The following STX3 variants were observed in gnomAD, a reference collection of about 807,000 sequenced individuals.
STX3 encodes the protein syntaxin 3.
In STX3, 19 loss-of-function variants were observed where a neutral mutation model predicts 40.2. That is an observed-to-expected ratio of 0.47 (90% CI 0.33 to 0.69). The LOEUF (loss-of-function observed/expected upper bound fraction) is 0.69, where lower values mean the gene tolerates loss of function less well. STX3 is among the 30% of genes least tolerant of loss of function. STX3 has a pLI of 0.02. For missense variants in STX3, 364 were observed against 366.7 expected (o/e 0.99, Z 0.06); for synonymous variants, 122 against 132.2 (o/e 0.92, Z 0.53).
chr11:59,779,538 G>A (rs1006719932), intron 2 of STX3, among the ~76,000 whole-genome samples: 3 of 152,174 alleles, frequency 2.0e-5, no homozygotes, highest in Non-Finnish European at 4.4e-5. Context: ...ATTTGTAGTG[G>A]TATAACAGAC....
In STX3 at chr11:59,800,937, G is replaced by T; in HGVS notation, c.*113G>T. Reference sequence around the variant, plus strand: ...CTGAATGGCCTTCCTGAGAGCGAGTGCGACCCGTTCCTTTGTTTCCTTGCA... The same window carrying T: ...CTGAATGGCCTTCCTGAGAGCGAGTTCGACCCGTTCCTTTGTTTCCTTGCA... On this transcript the variant is annotated 3_prime_UTR_variant, in exon 11 of 11. Transcript: ENST00000337979. The T allele has an allele frequency of 7.2e-6, 11 of 1,536,174 alleles. No individual in the cohort carries two copies. The highest frequency in any genetic ancestry group is 9.6e-6 in the Non-Finnish European group (11 of 1,146,852).
intron 10 of STX3, among the ~76,000 whole-genome samples, 199 bp downstream of exon 10, chr11:59,797,595 C>T (rs1479201321): frequency 6.6e-6 from 1 of 152,104 alleles, no homozygotes; most frequent in Non-Finnish European, 1.5e-5. Flanking sequence ...ATGAGCTCTC[C>T]GTTTGTTCTT....
In STX3 at chr11:59,755,419, C is replaced by T. The variant is rs1486899860; in HGVS notation, c.-187C>T. Reference sequence around the variant, plus strand: ...GCCGGTGGGGGCGGAGGGGGCTGCGCGGCGGAGGCTCCCGTGGCCTCGGAC... The same window carrying T: ...GCCGGTGGGGGCGGAGGGGGCTGCGTGGCGGAGGCTCCCGTGGCCTCGGAC... On this transcript the variant is annotated 5_prime_UTR_variant, in exon 1 of 11. Coordinates refer to ENST00000337979, the MANE Select transcript of STX3 (RefSeq NM_004177.5). 6 of 501,984 alleles carry T rather than the reference C, an allele frequency of 1.2e-5. No homozygotes were observed. Among genetic ancestry groups the T allele is most frequent in the South Asian group, 1.1e-4 (2 of 18,592 alleles). The allele number at this position is 501,984 out of a possible 1,614,324, so 31.1% of individuals were successfully genotyped here. A position where few individuals can be genotyped will look rare whatever the true frequency, so the allele number is the denominator to read the frequency against.
chr11:59,801,127 T>G lies in STX3; in HGVS notation c.*303T>G. 1 of 1,356,104 alleles carries G rather than the reference T, an allele frequency of 7.4e-7. No individual in the cohort carries two copies. The highest frequency in any genetic ancestry group is 9.5e-7 in the Non-Finnish European group (1 of 1,052,882). 84.0% of individuals were successfully genotyped at this position (1,356,104 alleles called of 1,614,324 possible). A position where few individuals can be genotyped will look rare whatever the true frequency, so the allele number is the denominator to read the frequency against. ...CCCAGCTTTCTTCCTCCCTGTTGTG[T>G]GTCAGATTATGCCTTGCACTTGGGA... On this transcript the variant is annotated 3_prime_UTR_variant, in exon 11 of 11. Coordinates refer to ENST00000337979, the MANE Select transcript of STX3 (RefSeq NM_004177.5).
intron 1 of STX3, among the ~76,000 whole-genome samples, chr11:59,766,018 C>T (rs1351248996): frequency 6.6e-6 from 1 of 152,180 alleles, no homozygotes. Context: ...ATCTTTAATG[C>T]CCCACTGTGG....
intron 10 of STX3, chr11:59,800,166 G>A (rs900465250): frequency 1.9e-5 from 19 of 985,226 alleles, no homozygotes; most frequent in Admixed American, 6.2e-5. Context: ...TTTTTGTAGT[G>A]TATTCCATGT....
At chr11:59,798,766 G>A (rs536162781) in intron 10 of STX3, among the ~76,000 whole-genome samples, 4 of 148,316 alleles carry the variant, frequency 2.7e-5, no homozygotes, top group Non-Finnish European at 6.0e-5. Context: ...CACCCGCCTC[G>A]GCCTCCCAAA....
chr11:59,771,278 T>C (rs765296537), intron 1 of STX3, among the ~76,000 whole-genome samples: 2 of 152,056 alleles, frequency 1.3e-5, no homozygotes, highest in Non-Finnish European at 2.9e-5. Context: ...TTTGGGAGGC[T>C]GAGGCAGGAG....
intron 2 of STX3, among the ~76,000 whole-genome samples, chr11:59,774,317 A>G (rs1171590971): frequency 6.6e-6 from 1 of 151,976 alleles, no homozygotes; most frequent in Non-Finnish European, 1.5e-5. Flanking sequence ...TTACCTGTAA[A>G]TTAGGATTGA....
At chr11:59,789,051 C>A in intron 4 of STX3, 104 bp downstream of exon 4, 2 of 983,280 alleles carry the variant, frequency 2.0e-6, no homozygotes, top group Non-Finnish European at 3.0e-6. Flanking sequence ...GGAAGTGACA[C>A]CACTTGGTCC....
rs1310973309 is a variant in STX3, at chr11:59,804,772, A to T, written c.*3948A>T. 6.6e-6 allele frequency: 1 copy of T among 152,236 alleles called. No homozygotes were observed. Among genetic ancestry groups the T allele is most frequent in the Non-Finnish European group, 1.5e-5 (1 of 68,038 alleles). 9.4% of individuals were successfully genotyped at this position (152,236 alleles called of 1,614,324 possible). On this transcript the variant is annotated 3_prime_UTR_variant, in exon 11 of 11. Transcript: ENST00000337979. ...ATGACTGAACTCACACATCAGTAGAACACTCTGTGAACCATAACAAAGAAC... is the reference window on the plus strand; with the variant it reads ...ATGACTGAACTCACACATCAGTAGATCACTCTGTGAACCATAACAAAGAAC...
Position 59,790,036 on chromosome 11 carries a change from C to T in STX3, c.290-483C>T, listed in dbSNP as rs75774990. ...CTCAGCTCAATTTACCATTTCTTCC[C>T]CCCAAGTATATTGCAATAACTATTT... On this transcript the variant is annotated intron_variant, in intron 4 of 10. Transcript: ENST00000337979. 5.1e-3 allele frequency among the ~76,000 whole-genome samples: 775 copies of T among 152,282 alleles called. 5 individuals carry two copies. Among genetic ancestry groups the T allele is most frequent in the African/African-American group, 7.3e-3 (305 of 41,544 alleles).
chr11:59,785,015 T>C (rs1358066240), intron 2 of STX3, among the ~76,000 whole-genome samples: 2 of 152,216 alleles, frequency 1.3e-5, no homozygotes, highest in African/African-American at 4.8e-5. Flanking sequence ...CCACTAGCTA[T>C]GTGACCTATA....
intron 2 of STX3, chr11:59,781,690 A>G: frequency 6.2e-7 from 1 of 1,601,596 alleles, no homozygotes; most frequent in Non-Finnish European, 8.5e-7. Flanking sequence ...ACCAGGCGCC[A>G]TCTTCCTTCC....
rs1865212139 is a variant in STX3 at position 59,792,100 on chromosome 11, C to T, written c.358-7C>T. The stretch of plus-strand genomic sequence containing the variant: ...GGGGCCTGACTGCATTTTACATCAT[C>T]CCACAGCACTCTGTCCTTTCTCGGA... On this transcript the variant is annotated splice_region_variant and splice_polypyrimidine_tract_variant and intron_variant, in intron 5 of 10. Coordinates refer to ENST00000337979, the MANE Select transcript of STX3 (RefSeq NM_004177.5). 1 of 1,611,714 alleles carries T rather than the reference C, an allele frequency of 6.2e-7. No individual in the cohort carries two copies. The highest frequency in any genetic ancestry group is 8.5e-7 in the Non-Finnish European group (1 of 1,178,324).
chr11:59,778,891 A>G (rs1864172970), intron 2 of STX3, among the ~76,000 whole-genome samples: 1 of 149,784 alleles, frequency 6.7e-6, no homozygotes, highest in Admixed American at 6.7e-5. Context: ...CTGGAATGCA[A>G]CAGTGTGATC....
At chr11:59,754,465 AT>A (rs1271340322), upstream of STX3, 2 of 152,782 alleles carry the variant, frequency 1.3e-5, no homozygotes, top group African/African-American at 4.8e-5. Context: ...ACTCTGATGA[AT>A]GTGCCATTTG....
chr11:59,784,524 C>A (rs1237858888), intron 2 of STX3, among the ~76,000 whole-genome samples: 1 of 152,126 alleles, frequency 6.6e-6, no homozygotes, highest in Non-Finnish European at 1.5e-5. Flanking sequence ...AAACACATAC[C>A]TGAGACTGGG....
Position 59,803,343 on chromosome 11 carries a change from T to A in STX3, c.*2519T>A, listed in dbSNP as rs1430635458. ...AGGGTCAGACCTTCTTTCACTGACT[T>A]GAAACCTTTGTGTCTTGGGGGCACT... is the stretch of plus-strand genomic sequence containing the variant. On this transcript the variant is annotated 3_prime_UTR_variant, in exon 11 of 11. Coordinates refer to ENST00000337979, the MANE Select transcript of STX3 (RefSeq NM_004177.5). 1 of 1,198,560 alleles carries A rather than the reference T, an allele frequency of 8.3e-7. No homozygotes were observed. The highest frequency in any genetic ancestry group is 1.0e-6 in the Non-Finnish European group (1 of 958,004). 74.2% of individuals were successfully genotyped at this position (1,198,560 alleles called of 1,614,324 possible).
Sources: gnomAD v4.1 joint callset for allele counts (sites outside exome capture counted in the v4.1 genomes callset) on GRCh38, gnomAD v4.1.1 for gene constraint, MANE v1.5 for transcripts, NCBI Gene and HGNC (gene_info 2026-07-23, HGNC 2026-07-21) for gene names.